Variants in NUMB observed in about 807,000 individuals in gnomAD.
NUMB encodes the protein NUMB endocytic adaptor protein, also known as protein numb homolog.
NUMB carries 29 observed loss-of-function variants against 59.7 expected under a neutral mutation model. That is an observed-to-expected ratio of 0.49 (90% CI 0.36 to 0.66). The LOEUF is 0.66. Among genes scored for constraint, NUMB ranks in the 30% least tolerant of loss-of-function variants. NUMB has a pLI of 0.00. For missense variants in NUMB, 723 were observed against 822.0 expected (o/e 0.88, Z 1.47); for synonymous variants, 288 against 288.2 (o/e 1.00, Z 0.01).
At position 73,384,968 on chromosome 14, in the gene NUMB, A is replaced by G. The variant is rs184460004; in HGVS notation, c.-100-17987T>C. ...GAGTGCAATGGCACAATTTCGGCTC[A>G]CTGTAACCTCTGCCTCCCAGGTTCA... On this transcript the variant is annotated intron_variant, in intron 2 of 12. Coordinates refer to ENST00000555238, the MANE Select transcript of NUMB (RefSeq NM_001005743.2). 3.3e-3 allele frequency among the ~76,000 whole-genome samples: 463 copies of G among 142,160 alleles called. 2 individuals carry two copies. The highest frequency in any genetic ancestry group is 0.012 in the African/African-American group (439 of 37,876). 93.3% of individuals were successfully genotyped at this position (142,160 alleles called of 152,430 possible). A position where few individuals can be genotyped will look rare whatever the true frequency, so the allele number is the denominator to read the frequency against.
At position 73,275,325 on chromosome 14, in the gene NUMB, A is replaced by G. The variant is rs563167917; in HGVS notation, c.*1253T>C. ...GCCAACGTTCAAAAGTAAAAATGAG[A>G]TGAGCTCTCTTATTGTTATCCGAGG... On this transcript the variant is annotated 3_prime_UTR_variant, in exon 13 of 13. Transcript: ENST00000555238. 6.5e-6 allele frequency: 1 copy of G among 152,702 alleles called. No homozygotes were observed. Among genetic ancestry groups the G allele is most frequent in the East Asian group, 1.9e-4 (1 of 5,188 alleles). The allele number at this position is 152,702 out of a possible 1,614,324, so 9.5% of individuals were successfully genotyped here.
intron 4 of NUMB, among the ~76,000 whole-genome samples, chr14:73,352,992 A>G (rs907712740): frequency 1.3e-5 from 2 of 151,378 alleles, no homozygotes; most frequent in African/African-American, 4.8e-5. Context: ...AATATTTATT[A>G]AATACATAAT....
chr14:73,405,659 C>A (rs1316815326), intron 2 of NUMB, among the ~76,000 whole-genome samples: 1 of 151,962 alleles, frequency 6.6e-6, no homozygotes, highest in Non-Finnish European at 1.5e-5. Flanking sequence ...ATGGTGGGGG[C>A]AGCAGCAACA....
intron 2 of NUMB, among the ~76,000 whole-genome samples, chr14:73,367,296 T>TACACAC (rs1196520524): frequency 4.1e-5 from 5 of 121,026 alleles, no homozygotes; most frequent in South Asian, 2.5e-4. Context: ...TATATATATA[T>TACACAC]ACACACACAC....
intron 4 of NUMB, among the ~76,000 whole-genome samples, chr14:73,328,289 G>T (rs78476508): frequency 8.3e-6 from 1 of 120,254 alleles, no homozygotes; most frequent in Admixed American, 8.3e-5. Flanking sequence ...AAAAAAAAAA[G>T]TCATATAAAT....
chr14:73,394,783 TTGTC>T (rs1431087483), intron 2 of NUMB, among the ~76,000 whole-genome samples: 2 of 152,212 alleles, frequency 1.3e-5, no homozygotes, highest in African/African-American at 4.8e-5. Flanking sequence ...CATGAAGTAT[TTGTC>T]TGTCTTTTCT....
intron 1 of NUMB, among the ~76,000 whole-genome samples, chr14:73,457,217 T>C (rs1484964389): frequency 2.6e-5 from 4 of 152,162 alleles, no homozygotes; most frequent in African/African-American, 7.2e-5. Flanking sequence ...TTCTACTCCT[T>C]TAGTTCAGCT....
chr14:73,293,902 C>A (rs1456592335), intron 7 of NUMB, among the ~76,000 whole-genome samples: 2 of 152,170 alleles, frequency 1.3e-5, no homozygotes, highest in Non-Finnish European at 2.9e-5. Flanking sequence ...GACTCAAATA[C>A]AAGAGACATT....
intron 4 of NUMB, among the ~76,000 whole-genome samples, chr14:73,327,610 G>T (rs765119207): frequency 3.4e-4 from 51 of 152,006 alleles, no homozygotes; most frequent in Non-Finnish European, 6.5e-4. Flanking sequence ...TTGGAATATG[G>T]TGCTGTAAAA....
intron 2 of NUMB, among the ~76,000 whole-genome samples, chr14:73,381,192 T>G (rs1292776422): frequency 6.6e-6 from 1 of 152,192 alleles, no homozygotes; most frequent in Non-Finnish European, 1.5e-5. Context: ...TTCCACATTG[T>G]CTTTAATCAA....
chr14:73,364,063 A>C (rs1894220041), intron 3 of NUMB, among the ~76,000 whole-genome samples: 1 of 152,218 alleles, frequency 6.6e-6, no homozygotes, highest in Non-Finnish European at 1.5e-5. Flanking sequence ...CACCACATTA[A>C]CAGAATAAAG....
intron 3 of NUMB, among the ~76,000 whole-genome samples, chr14:73,364,637 A>T (rs1031276894): frequency 3.3e-5 from 5 of 151,204 alleles, no homozygotes; most frequent in Non-Finnish European, 7.4e-5. Flanking sequence ...AATGCGCACT[A>T]TTTTTTTTTA....
At chr14:73,375,973 T>C (rs777128888) in intron 2 of NUMB, among the ~76,000 whole-genome samples, 1 of 152,188 alleles carries the variant, frequency 6.6e-6, no homozygotes, top group Non-Finnish European at 1.5e-5. Flanking sequence ...GGTGAGAAAC[T>C]AGAAGCCTTC....
chr14:73,386,880 T>TA (rs1296308800), intron 2 of NUMB, among the ~76,000 whole-genome samples: 2 of 65,550 alleles, frequency 3.1e-5, no homozygotes, highest in Admixed American at 1.8e-4. Flanking sequence ...TTTTTTTTTT[T>TA]TTTTTTTTTT....
chr14:73,432,419 T>A (rs927785209), intron 1 of NUMB, among the ~76,000 whole-genome samples: 1 of 152,114 alleles, frequency 6.6e-6, no homozygotes, highest in Non-Finnish European at 1.5e-5. Context: ...GAATGAATGC[T>A]ACTCAATAAA....
chr14:73,370,126 G>C (rs1315174658), intron 2 of NUMB, among the ~76,000 whole-genome samples: 4 of 149,710 alleles, frequency 2.7e-5, no homozygotes, highest in Admixed American at 2.6e-4. Context: ...TAATGGTAGT[G>C]GGGGGGGTGG....
intron 5 of NUMB, among the ~76,000 whole-genome samples, chr14:73,320,182 G>C (rs1001552199): frequency 1.1e-4 from 16 of 152,028 alleles, no homozygotes; most frequent in Non-Finnish European, 1.9e-4. Context: ...ATAAGAAACA[G>C]GAAATTTACT....
At chr14:73,345,396 T>C (rs1415441368) in intron 4 of NUMB, among the ~76,000 whole-genome samples, 1 of 152,184 alleles carries the variant, frequency 6.6e-6, no homozygotes. Context: ...CCATGCTCAC[T>C]ACCTGGGTGA....
intron 4 of NUMB, among the ~76,000 whole-genome samples, chr14:73,330,789 A>T (rs1891933434): frequency 1.3e-5 from 2 of 152,220 alleles, no homozygotes; most frequent in African/African-American, 4.8e-5. Flanking sequence ...ATGGATGGTC[A>T]GATGGATAGA....
Sources: gnomAD v4.1 joint callset for allele counts (sites outside exome capture counted in the v4.1 genomes callset) on GRCh38, gnomAD v4.1.1 for gene constraint, MANE v1.5 for transcripts, NCBI Gene and HGNC (gene_info 2026-07-23, HGNC 2026-07-21) for gene names.